The following MOB1A variants were observed in gnomAD, a reference collection of about 807,000 sequenced individuals.
The protein encoded by MOB1A is MOB kinase activator 1A.
MOB1A carries 10 observed loss-of-function variants against 25.1 expected under a neutral mutation model. The ratio of observed to expected loss-of-function variants is 0.40; its 90% CI spans 0.25 to 0.68. The LOEUF is 0.68. Ranked by LOEUF, MOB1A falls within the 30% of genes least tolerant of loss-of-function variation. The pLI, the probability that MOB1A is intolerant of heterozygous loss-of-function variation, is 0.40. For missense variants in MOB1A, 177 were observed against 256.3 expected, an observed-to-expected ratio of 0.69 and a Z score of 2.11; for synonymous variants, 81 against 79.5, an observed-to-expected ratio of 1.02 and a Z score of -0.10.
chr2:74,159,294 C>G (rs751529797), intron 4 of MOB1A, 40 bp from the exon 5 acceptor site: 3 of 1,575,368 alleles, frequency 1.9e-6, no homozygotes, highest in Non-Finnish European at 2.6e-6. Flanking sequence ...ATTTGGTTAT[C>G]TAACAGTAGA....
chr2:74,178,633 C>T, intron 1 of MOB1A, 28 bp downstream of exon 1: 6 of 1,383,834 alleles, frequency 4.3e-6, no homozygotes, highest in Non-Finnish European at 5.7e-6. Flanking sequence ...GCCCGCAGGC[C>T]CGGCGCCCGC....
chr2:74,167,350 A>G (rs1445723516), intron 2 of MOB1A, among the ~76,000 whole-genome samples: 2 of 152,198 alleles, frequency 1.3e-5, no homozygotes, highest in South Asian at 4.2e-4. Flanking sequence ...GGTTCAAGCA[A>G]TTCTCCTGCC....
intron 2 of MOB1A, among the ~76,000 whole-genome samples, chr2:74,170,606 G>A (rs934797152): frequency 8.0e-5 from 12 of 149,720 alleles, no homozygotes; most frequent in African/African-American, 2.7e-4. Context: ...GTGGTGGCGG[G>A]CACCTGTAGT....
At chr2:74,168,690 A>G (rs994211368) in intron 2 of MOB1A, among the ~76,000 whole-genome samples, 1 of 152,250 alleles carries the variant, frequency 6.6e-6, no homozygotes, top group Non-Finnish European at 1.5e-5. Context: ...CCTAAAAACA[A>G]CTAGGTATTT....
At position 74,154,707 on chromosome 2, in the gene MOB1A, G is replaced by A. The variant is rs962182464; in HGVS notation, c.*1861C>T. The A allele has an allele frequency of 6.6e-6, 1 of 152,196 alleles. No homozygotes were observed. The highest frequency in any genetic ancestry group is 1.5e-5 in the Non-Finnish European group (1 of 68,032). The allele number at this position is 152,196 out of a possible 1,614,324, so 9.4% of individuals were successfully genotyped here. On this transcript the variant is annotated 3_prime_UTR_variant, in exon 6 of 6. Coordinates refer to ENST00000396049, the MANE Select transcript of MOB1A (RefSeq NM_018221.5). ...AAGCTAACAGGGTTTAAAGTTGAGA[G>A]GCAGTTCACATCCTAAGTGATACCT... is the stretch of plus-strand genomic sequence containing the variant.
chr2:74,159,294 C>A (rs751529797), intron 4 of MOB1A, 40 bp from the exon 5 acceptor site: 4 of 1,575,368 alleles, frequency 2.5e-6, no homozygotes, highest in Non-Finnish European at 2.6e-6. Flanking sequence ...ATTTGGTTAT[C>A]TAACAGTAGA....
intron 2 of MOB1A, among the ~76,000 whole-genome samples, chr2:74,172,376 A>G (rs889272313): frequency 1.1e-4 from 17 of 152,120 alleles, no homozygotes; most frequent in Admixed American, 1.1e-3. Flanking sequence ...AGCACTCATC[A>G]TTTCTCCTCA....
chr2:74,178,250 G>A (rs1693533673), intron 1 of MOB1A: 1 of 156,442 alleles, frequency 6.4e-6, no homozygotes. Context: ...CTCCTGGGGC[G>A]GCATTTAACA....
Position 74,178,758 on chromosome 2 carries a change from CTTAGCTCACGGGCAGCGGAA to C in MOB1A, c.-104_-85del. The C allele has an allele frequency of 1.6e-6, 1 of 633,372 alleles. No individual in the cohort carries two copies. The highest frequency in any genetic ancestry group is 2.2e-6 in the Non-Finnish European group (1 of 447,848). 39.2% of individuals were successfully genotyped at this position (633,372 alleles called of 1,614,324 possible). On this transcript the variant is annotated 5_prime_UTR_variant, in exon 1 of 6. Coordinates refer to ENST00000396049, the MANE Select transcript of MOB1A (RefSeq NM_018221.5). Reference sequence around the variant, plus strand: ...AGCTGGCTAGAGGGAGCGGACCGTCCTTAGCTCACGGGCAGCGGAAGCCGGGCCGCCGCCGCTCGGAGCCG... The same window carrying C: ...AGCTGGCTAGAGGGAGCGGACCGTCCGCCGGGCCGCCGCCGCTCGGAGCCG...
intron 4 of MOB1A, among the ~76,000 whole-genome samples, chr2:74,161,855 G>T (rs1203778291): frequency 6.6e-6 from 1 of 151,712 alleles, no homozygotes; most frequent in Non-Finnish European, 1.5e-5. Context: ...TACTCAAGTG[G>T]CTGATGTAGA....
Position 74,153,422 on chromosome 2 carries a change from A to T in MOB1A, c.*3146T>A, listed in dbSNP as rs1056732087. The T allele has an allele frequency of 2.0e-5, 3 of 152,294 alleles. No individual in the cohort carries two copies. Among genetic ancestry groups the T allele is most frequent in the African/African-American group, 7.2e-5 (3 of 41,570 alleles). 9.4% of individuals were successfully genotyped at this position (152,294 alleles called of 1,614,324 possible). On this transcript the variant is annotated 3_prime_UTR_variant, in exon 6 of 6. Transcript: ENST00000396049. ...TTCCTCTTGCCTTGGCACTACTAAA[A>T]AACTTTACCTTTGTTACTAAAGTCA...
intron 2 of MOB1A, 90 bp downstream of exon 2, chr2:74,172,496 A>G: frequency 8.2e-7 from 1 of 1,224,272 alleles, no homozygotes; most frequent in Non-Finnish European, 1.1e-6. Context: ...GTTATATTAA[A>G]ACAGTTCTAA....
Position 74,178,771 on chromosome 2 carries a change from C to A in MOB1A, c.-97G>T. 1.6e-6 allele frequency: 1 copy of A among 617,826 alleles called. No individual in the cohort carries two copies. The allele number at this position is 617,826 out of a possible 1,614,324, so 38.3% of individuals were successfully genotyped here. ...GAGCGGACCGTCCTTAGCTCACGGG[C>A]AGCGGAAGCCGGGCCGCCGCCGCTC... On this transcript the variant is annotated 5_prime_UTR_variant, in exon 1 of 6. Coordinates refer to ENST00000396049, the MANE Select transcript of MOB1A (RefSeq NM_018221.5).
Position 74,159,268 on chromosome 2 carries a change from C to A in MOB1A, c.410-14G>T. On this transcript the variant is annotated splice_polypyrimidine_tract_variant and intron_variant, in intron 4 of 5. Coordinates refer to ENST00000396049, the MANE Select transcript of MOB1A (RefSeq NM_018221.5). ...GAAATGGGACACCTGCAATTAAATA[C>A]ACATATGAAACAATTATTTGGTTAT... 2 of 1,608,922 alleles carry A rather than the reference C, an allele frequency of 1.2e-6. No homozygotes were observed. Among genetic ancestry groups the A allele is most frequent in the Non-Finnish European group, 1.7e-6 (2 of 1,176,518 alleles).
In MOB1A at chr2:74,178,722, TC is replaced by T; in HGVS notation, c.-49del. On this transcript the variant is annotated 5_prime_UTR_variant, in exon 1 of 6. Coordinates refer to ENST00000396049, the MANE Select transcript of MOB1A (RefSeq NM_018221.5). ...GAGGGGCCCCTGGCCCCCGCCTGGA[TC>T]AGGATTCGGAGCTGGCTAGAGGGAG... The T allele has an allele frequency of 8.5e-7, 1 of 1,181,436 alleles. No homozygotes were observed. The highest frequency in any genetic ancestry group is 1.1e-6 in the Non-Finnish European group (1 of 916,602). 73.2% of individuals were successfully genotyped at this position (1,181,436 alleles called of 1,614,324 possible). A position where few individuals can be genotyped will look rare whatever the true frequency, so the allele number is the denominator to read the frequency against.
At chr2:74,163,774 C>A (rs1693046889) in intron 4 of MOB1A, among the ~76,000 whole-genome samples, 1 of 152,062 alleles carries the variant, frequency 6.6e-6, no homozygotes, top group South Asian at 2.1e-4. Context: ...CTGACATAAA[C>A]TACAGAATTT....
At chr2:74,161,084 T>TA (rs1692957803) in intron 4 of MOB1A, among the ~76,000 whole-genome samples, 1 of 152,172 alleles carries the variant, frequency 6.6e-6, no homozygotes, top group African/African-American at 2.4e-5. Context: ...AAAATAAACC[T>TA]ACATTAGTTG....
chr2:74,178,610 C>A (rs1693547428), intron 1 of MOB1A, 51 bp downstream of exon 1: 1 of 1,345,070 alleles, frequency 7.4e-7, no homozygotes, highest in Non-Finnish European at 9.7e-7. Flanking sequence ...GGGAGGCCTC[C>A]CCCACAACCT....
chr2:74,173,547 AT>A (rs1375135493), intron 1 of MOB1A, among the ~76,000 whole-genome samples: 353 of 141,648 alleles, frequency 2.5e-3, no homozygotes, highest in Admixed American at 3.0e-3. Flanking sequence ...CACCCAGCTA[AT>A]TTTTTTTTTT....
Sources: allele counts gnomAD v4.1 joint callset (sites outside exome capture counted in the v4.1 genomes callset), GRCh38; gene constraint gnomAD v4.1.1; transcripts MANE v1.5; gene names NCBI Gene and HGNC (gene_info 2026-07-23, HGNC 2026-07-21).